Variants in PLXNA4 observed in about 807,000 individuals in gnomAD.
PLXNA4 encodes the protein plexin A4, also known as plexin-A4.
Under a neutral mutation model 191.8 loss-of-function variants are expected in PLXNA4, and 44 were observed. The ratio of observed to expected loss-of-function variants is 0.23; its 90% confidence interval spans 0.18 to 0.29. PLXNA4 has a LOEUF of 0.29. Ranked by LOEUF, PLXNA4 falls within the 10% of genes least tolerant of loss-of-function variation. The probability of loss-of-function intolerance (pLI) is 1.00; values close to 1 mark genes in which losing one functional copy is unlikely to be tolerated. For missense variants in PLXNA4, 1,800 were observed against 2,488.8 expected, an observed-to-expected ratio of 0.72 and a Z score of 5.89; for synonymous variants, 1,082 against 1,009.5, an observed-to-expected ratio of 1.07 and a Z score of -1.36.
chr7:132,463,379 G>GA (rs946732352), intron 3 of PLXNA4, among the ~76,000 whole-genome samples: 24 of 151,914 alleles, frequency 1.6e-4, no homozygotes, highest in South Asian at 1.2e-3. Flanking sequence ...AGCACATGAG[G>GA]AAAAAAAATC....
chr7:132,357,597 A>T (rs1803764470), intron 3 of PLXNA4, among the ~76,000 whole-genome samples: 1 of 152,196 alleles, frequency 6.6e-6, no homozygotes, highest in African/African-American at 2.4e-5. Context: ...TGCCATGAAG[A>T]TAGGATCCGC....
At chr7:132,160,615 T>C (rs143179169) in intron 24 of PLXNA4, among the ~76,000 whole-genome samples, 525 of 152,202 alleles carry the variant, frequency 3.4e-3, no homozygotes, top group South Asian at 5.8e-3. Context: ...AGGCTGGGCA[T>C]CCTAGGGGTA....
At chr7:132,152,194 A>G (rs1019488068) in intron 25 of PLXNA4, among the ~76,000 whole-genome samples, 1 of 152,194 alleles carries the variant, frequency 6.6e-6, no homozygotes, top group African/African-American at 2.4e-5. Flanking sequence ...GCCAAGGTCA[A>G]AGACCATCGC....
At chr7:132,259,237 G>A (rs140052136) in intron 4 of PLXNA4, among the ~76,000 whole-genome samples, 17 of 151,904 alleles carry the variant, frequency 1.1e-4, no homozygotes, top group Non-Finnish European at 2.2e-4. Context: ...TTATTTCTCA[G>A]TACAGCTGGG....
intron 2 of PLXNA4, among the ~76,000 whole-genome samples, chr7:132,621,405 C>T (rs1405275175): frequency 3.3e-5 from 5 of 152,006 alleles, no homozygotes; most frequent in Admixed American, 1.3e-4. Flanking sequence ...GGACTACAGG[C>T]GCATGCCACC....
At chr7:132,134,131 C>T (rs776128926) in intron 30 of PLXNA4, among the ~76,000 whole-genome samples, 32 of 152,136 alleles carry the variant, frequency 2.1e-4, no homozygotes, top group Non-Finnish European at 4.0e-4. Context: ...CACCTAGGCA[C>T]CAAGTTTAAG....
intron 4 of PLXNA4, among the ~76,000 whole-genome samples, chr7:132,277,838 T>C (rs936101087): frequency 6.6e-6 from 1 of 152,194 alleles, no homozygotes; most frequent in Non-Finnish European, 1.5e-5. Flanking sequence ...ATATGGTCTC[T>C]GTCTCAACTA....
intron 2 of PLXNA4, among the ~76,000 whole-genome samples, chr7:132,589,026 T>C (rs1236018886): frequency 6.6e-6 from 1 of 152,134 alleles, no homozygotes; most frequent in Non-Finnish European, 1.5e-5. Context: ...TTCATTGTAA[T>C]TGTAGAGCAA....
At position 132,422,576 on chromosome 7, in the gene PLXNA4, T is replaced by C. The variant is rs192644586; in HGVS notation, c.1371+66716A>G. Among the ~76,000 whole-genome samples, 5 of 152,334 alleles carry C rather than the reference T, an allele frequency of 3.3e-5. No individual in the cohort carries two copies. The East Asian group carries it at 9.6e-4, about 29-fold the overall frequency. ...AGTAATTCATCCAGAGACAGATTCG[T>C]GTTGGCCATATCTAATGGCCTGGCT... On this transcript the variant is annotated intron_variant, in intron 3 of 31. Transcript: ENST00000321063.
intron 13 of PLXNA4, among the ~76,000 whole-genome samples, chr7:132,196,424 C>T (rs746270461): frequency 5.3e-5 from 8 of 152,096 alleles, no homozygotes; most frequent in Admixed American, 3.3e-4. Flanking sequence ...ACTTAATATA[C>T]CTTGAGTATA....
intron 4 of PLXNA4, among the ~76,000 whole-genome samples, chr7:132,280,078 A>T (rs1800423646): frequency 1.3e-5 from 2 of 152,158 alleles, no homozygotes; most frequent in Admixed American, 1.3e-4. Context: ...ATTCTATTCC[A>T]TTAAAAACAA....
chr7:132,143,683 A>T (rs929644232), intron 29 of PLXNA4, among the ~76,000 whole-genome samples: 2 of 152,176 alleles, frequency 1.3e-5, no homozygotes, highest in African/African-American at 4.8e-5. Flanking sequence ...CAAAGTCTAG[A>T]AGAGTTAAAC....
intron 3 of PLXNA4, among the ~76,000 whole-genome samples, chr7:132,303,665 A>C (rs946512243): frequency 2.0e-5 from 3 of 152,230 alleles, no homozygotes; most frequent in African/African-American, 7.2e-5. Flanking sequence ...GGAGGAAACC[A>C]CATCCCAATC....
At chr7:132,472,548 A>C (rs1431312347) in intron 3 of PLXNA4, among the ~76,000 whole-genome samples, 2 of 152,222 alleles carry the variant, frequency 1.3e-5, no homozygotes, top group Non-Finnish European at 2.9e-5. Context: ...GGCAGGAGCC[A>C]GGGCAGTGCA....
chr7:132,316,188 C>T lies in PLXNA4; in HGVS notation c.1372-17966G>A, dbSNP rs1033455202. Among the ~76,000 whole-genome samples, 58 of 152,292 alleles carry T rather than the reference C, an allele frequency of 3.8e-4. 1 individual carries two copies. The highest frequency in any genetic ancestry group is 6.9e-4 in the Non-Finnish European group (47 of 68,030). ...CCTCAAATGACTAAACTAAAAAATG[C>T]GACTCTATCACCATAAGCCTCCCTA... On this transcript the variant is annotated intron_variant, in intron 3 of 31. Transcript: ENST00000321063.
At chr7:132,316,479 T>C (rs905052537) in intron 3 of PLXNA4, among the ~76,000 whole-genome samples, 2 of 152,182 alleles carry the variant, frequency 1.3e-5, no homozygotes, top group African/African-American at 4.8e-5. Flanking sequence ...TCTCACAAAC[T>C]TCCAGGCTAA....
rs117684026 is a variant in PLXNA4, at chr7:132,394,985, T to C, written c.1371+94307A>G. Among the ~76,000 whole-genome samples, 1,495 of 152,334 alleles carry C rather than the reference T, an allele frequency of 9.8e-3. 80 individuals carry two copies. The highest frequency in any genetic ancestry group is 0.081 in the Admixed American group (1,241 of 15,302). ...GATCCTGGGCCTCATCACATGCAGA[T>C]GTAGTCCTGCCTTTCCGGGGCAGGT... On this transcript the variant is annotated intron_variant, in intron 3 of 31. Transcript: ENST00000321063.
At chr7:132,499,869 A>G (rs1363198761) in intron 2 of PLXNA4, among the ~76,000 whole-genome samples, 7 of 152,152 alleles carry the variant, frequency 4.6e-5, no homozygotes, top group Non-Finnish European at 8.8e-5. Context: ...AGACACAGTA[A>G]TGGCACAGAG....
chr7:132,551,902 A>C (rs901965570), intron 1 of PLXNA4, among the ~76,000 whole-genome samples: 3 of 152,166 alleles, frequency 2.0e-5, no homozygotes, highest in Non-Finnish European at 4.4e-5. Flanking sequence ...AAATGAACAT[A>C]CTAATTAGTG....
Sources: gnomAD v4.1 joint callset for allele counts (sites outside exome capture counted in the v4.1 genomes callset) on GRCh38, gnomAD v4.1.1 for gene constraint, MANE v1.5 for transcripts, NCBI Gene and HGNC (gene_info 2026-07-23, HGNC 2026-07-21) for gene names.